The following PCNX2 variants were observed in gnomAD, a reference collection of about 807,000 sequenced individuals.
PCNX2 encodes the protein pecanex 2, also known as pecanex-like protein 2.
PCNX2 carries 168 observed loss-of-function variants against 223.8 expected under a neutral mutation model. The ratio of observed to expected loss-of-function variants is 0.75; its 90% CI spans 0.66 to 0.85. The LOEUF is 0.85. PCNX2 is among the 40% of genes least tolerant of loss of function. The pLI is 0.00. For synonymous variants in PCNX2, 1,006 were observed against 1,052.6 expected, an observed-to-expected ratio of 0.96 and a Z score of 0.86; for missense variants, 2,507 against 2,675.5, an observed-to-expected ratio of 0.94 and a Z score of 1.39.
intron 21 of PCNX2, among the ~76,000 whole-genome samples, chr1:233,099,526 G>A (rs145355863): frequency 1.3e-4 from 20 of 152,296 alleles, no homozygotes; most frequent in Admixed American, 1.2e-3. Flanking sequence ...TGTGCTTCTC[G>A]AATGTACAAC....
At chr1:233,200,659 AGTAGACTTG>A (rs1012695666) in intron 13 of PCNX2, among the ~76,000 whole-genome samples, 11 of 152,026 alleles carry the variant, frequency 7.2e-5, no homozygotes, top group Admixed American at 5.2e-4. Context: ...AGTTTGAAAG[AGTAGACTTG>A]GACATGGGGG....
chr1:233,062,393 A>G (rs1672439407), intron 23 of PCNX2, among the ~76,000 whole-genome samples: 1 of 152,224 alleles, frequency 6.6e-6, no homozygotes, highest in African/African-American at 2.4e-5. Flanking sequence ...AAGAAAAGTG[A>G]GTCACATTTT....
intron 12 of PCNX2, among the ~76,000 whole-genome samples, chr1:233,214,814 G>A (rs1213764003): frequency 6.6e-6 from 1 of 152,080 alleles, no homozygotes; most frequent in Non-Finnish European, 1.5e-5. Flanking sequence ...TTTGAGCCCA[G>A]GGGCTACTGT....
At chr1:233,019,430 T>G (rs1489810757) in intron 26 of PCNX2, among the ~76,000 whole-genome samples, 1 of 150,362 alleles carries the variant, frequency 6.7e-6, no homozygotes, top group Non-Finnish European at 1.5e-5. Context: ...AGAGAGGGAG[T>G]GATGGAGAAA....
Position 233,258,988 on chromosome 1 carries a change from G to A in PCNX2, c.874C>T (p.Arg292Trp), listed in dbSNP as rs957266860. The A allele has an allele frequency of 2.0e-5, 33 of 1,613,738 alleles. No individual in the cohort carries two copies. Among genetic ancestry groups the A allele is most frequent in the Middle Eastern group, 1.6e-4 (1 of 6,080 alleles). ...TGTACCCGTTCCCTTATGGAGCCCC[G>A]GGGACAACTGACAGGTTCTGGAATC... is the stretch of plus-strand genomic sequence containing the variant. ...VLIPEPVSCP[R>W]GSIRERVQSK... is the part of the protein sequence containing the mutation. The change falls in exon 5 of 34, where the codon CGG becomes TGG. Residue 292 changes from arginine (R) to tryptophan (W), a missense_variant. Coordinates refer to ENST00000258229, the MANE Select transcript of PCNX2 (RefSeq NM_014801.4).
intron 17 of PCNX2, among the ~76,000 whole-genome samples, chr1:233,161,680 G>T (rs1056825846): frequency 6.6e-6 from 1 of 152,066 alleles, no homozygotes; most frequent in African/African-American, 2.4e-5. Context: ...TTCTTGTAAG[G>T]TTCTTGTATC....
At chr1:233,059,582 G>T (rs191570333) in intron 23 of PCNX2, among the ~76,000 whole-genome samples, 1 of 152,286 alleles carries the variant, frequency 6.6e-6, no homozygotes, top group East Asian at 1.9e-4. Flanking sequence ...ATTATCTGAT[G>T]ATATCTGACT....
intron 16 of PCNX2, 76 bp downstream of exon 16, chr1:233,178,990 T>A (rs1410647912): frequency 7.6e-7 from 1 of 1,316,638 alleles, no homozygotes; most frequent in Non-Finnish European, 1.1e-6. Flanking sequence ...TGTCTGCCCA[T>A]CTCAGTCAGG....
Position 233,057,351 on chromosome 1 carries a change from G to T in PCNX2, c.4077-61C>A, listed in dbSNP as rs960907915. The T allele has an allele frequency of 3.7e-6, 5 of 1,350,530 alleles. No homozygotes were observed. The African/African-American group carries it at 7.2e-5, about 19-fold the overall frequency. The allele number at this position is 1,350,530 out of a possible 1,614,324, so 83.7% of individuals were successfully genotyped here. ...TAGATCCCCCCAAGCAGAAGAGTTG[G>T]TTTATAGAACCAGCTGCATGAGTGG... On this transcript the variant is annotated intron_variant, in intron 23 of 33. Transcript: ENST00000258229.
At chr1:233,052,411 C>T (rs1322538712) in intron 25 of PCNX2, among the ~76,000 whole-genome samples, 1 of 152,168 alleles carries the variant, frequency 6.6e-6, no homozygotes, top group Non-Finnish European at 1.5e-5. Flanking sequence ...TTACCTATAA[C>T]CACTTCCAAA....
intron 26 of PCNX2, among the ~76,000 whole-genome samples, chr1:233,018,197 GTT>G (rs913698246): frequency 1.4e-5 from 2 of 144,004 alleles, no homozygotes; most frequent in South Asian, 2.2e-4. Context: ...TAATATTTTA[GTT>G]TTTTTTTTTT....
At chr1:233,111,678 A>T (rs1261035832) in intron 21 of PCNX2, among the ~76,000 whole-genome samples, 2 of 152,184 alleles carry the variant, frequency 1.3e-5, no homozygotes, top group Admixed American at 1.3e-4. Context: ...TGCTGGGGTT[A>T]CAGGTGTGAG....
chr1:233,114,976 A>G (rs1193308768), intron 21 of PCNX2, among the ~76,000 whole-genome samples: 2 of 152,078 alleles, frequency 1.3e-5, no homozygotes, highest in East Asian at 3.9e-4. Context: ...AAGATTAAAC[A>G]ATGCAAAACA....
At chr1:233,264,856 T>C (rs1276790936) in intron 1 of PCNX2, among the ~76,000 whole-genome samples, 1 of 152,180 alleles carries the variant, frequency 6.6e-6, no homozygotes, top group Non-Finnish European at 1.5e-5. Context: ...TTTCAAAAAT[T>C]TAAGCTAAAT....
intron 10 of PCNX2, 58 bp downstream of exon 10, chr1:233,227,168 G>A: frequency 1.3e-6 from 2 of 1,516,936 alleles, no homozygotes; most frequent in Non-Finnish European, 1.8e-6. Flanking sequence ...CATGCAGTGG[G>A]CACTGTCACG....
chr1:233,311,952 C>G, the PCNX2 span, among the ~76,000 whole-genome samples: 2 of 152,138 alleles, frequency 1.3e-5, no homozygotes, highest in East Asian at 3.9e-4. Context: ...GATGGTGAAA[C>G]CCAGTCTCTA....
Position 233,025,276 on chromosome 1 carries a change from A to C in PCNX2, c.4475T>G (p.Leu1492Arg). ...CGTGATTTCCCAGGTGAGCCAGCGGAGGTGAAAGGCAGCGTTGCAGGACAG... is the reference window on the plus strand; with the variant it reads ...CGTGATTTCCCAGGTGAGCCAGCGGCGGTGAAAGGCAGCGTTGCAGGACAG... Reference protein sequence around the residue: ...HLLSCNAAFHLRWLTWEITQT... With the variant: ...HLLSCNAAFHRRWLTWEITQT... The change falls in exon 26 of 34, where the codon CTC becomes CGC. Residue 1492 changes from leucine (L) to arginine (R), a missense_variant. This residue lies in a region of PCNX2 where 1,372 missense variants were observed against 1,509.4 expected (regional missense o/e 0.91). Transcript: ENST00000258229. 6.2e-7 allele frequency: 1 copy of C among 1,613,902 alleles called. No individual in the cohort carries two copies. Among genetic ancestry groups the C allele is most frequent in the Non-Finnish European group, 8.5e-7 (1 of 1,179,888 alleles).
intron 22 of PCNX2, among the ~76,000 whole-genome samples, chr1:233,092,113 G>T (rs189331402): frequency 1.1e-4 from 16 of 152,198 alleles, no homozygotes; most frequent in Admixed American, 8.5e-4. Context: ...TTGAGTGAAG[G>T]TATTGAAAAA....
At chr1:233,198,916 G>A (rs1187788692) in intron 15 of PCNX2, 23 bp downstream of exon 15, 11 of 1,567,446 alleles carry the variant, frequency 7.0e-6, no homozygotes, top group Non-Finnish European at 9.6e-6. Flanking sequence ...AGAAGGATGA[G>A]GGCCCATGGT....
Sources: allele counts gnomAD v4.1 joint callset (sites outside exome capture counted in the v4.1 genomes callset), GRCh38; gene constraint gnomAD v4.1.1; regional missense constraint gnomAD v4.1.1; transcripts MANE v1.5; gene names NCBI Gene and HGNC (gene_info 2026-07-23, HGNC 2026-07-21).